FAM53A: variants seen among roughly 807,000 people sequenced by gnomAD.
FAM53A encodes protein FAM53A.
Under a neutral mutation model 26.6 loss-of-function variants are expected in FAM53A, and 28 were observed. The observed-to-expected ratio is 1.05, with a 90% CI of 0.78 to 1.45. The LOEUF (loss-of-function observed/expected upper bound fraction) is 1.45. Among genes scored for constraint, FAM53A ranks in the 40% most tolerant of loss-of-function variants. The pLI is 0.00. For synonymous variants in FAM53A, 290 were observed against 253.1 expected, an observed-to-expected ratio of 1.15 and a Z score of -1.38; for missense variants, 650 against 575.8, an observed-to-expected ratio of 1.13 and a Z score of -1.32.
In FAM53A at chr4:1,641,575, G is replaced by T. The variant is rs151156399; in HGVS notation, c.915C>A (p.Leu305=). ...CATCCTCATCGTCATCTTCGTAATT[G>T]AGGGAGCAAAGGCTTTTTGAATTTT... ...TLKNSKSLCS[L]NYEDDDEDDT... The change falls in exon 5 of 5, where the codon CTC becomes CTA. Residue 305 remains leucine, a synonymous_variant. Transcript: ENST00000308132. The T allele has an allele frequency of 1.3e-5, 21 of 1,614,060 alleles. No individual in the cohort carries two copies. The highest frequency in any genetic ancestry group is 1.8e-5 in the Non-Finnish European group (21 of 1,180,020).
In FAM53A at chr4:1,640,068, G is replaced by A. The variant is rs1711538104; in HGVS notation, c.*1225C>T. On this transcript the variant is annotated 3_prime_UTR_variant, in exon 5 of 5. Transcript: ENST00000308132. ...CAGAAGTCGTATGCACAAAGCAAAGGCCTTGTATTAAATTCACAGAGTGGG... is the reference window on the plus strand; with the variant it reads ...CAGAAGTCGTATGCACAAAGCAAAGACCTTGTATTAAATTCACAGAGTGGG... 6.6e-6 allele frequency: 1 copy of A among 152,560 alleles called. No individual in the cohort carries two copies. The highest frequency in any genetic ancestry group is 2.4e-5 in the African/African-American group (1 of 41,462). The allele number at this position is 152,560 out of a possible 1,614,324, so 9.5% of individuals were successfully genotyped here. A position where few individuals can be genotyped will look rare whatever the true frequency, so the allele number is the denominator to read the frequency against.
At chr4:1,657,272 C>A in intron 3 of FAM53A, 136 bp downstream of exon 3, 1 of 771,856 alleles carries the variant, frequency 1.3e-6, no homozygotes, top group Non-Finnish European at 2.1e-6. Flanking sequence ...CCACCCCACG[C>A]CCCAGTGCAG....
rs1477726253 is a variant in FAM53A, at chr4:1,672,762, T to C, written c.-164-3857A>G. ...CAAACACAGGAACCTGAATTTCCTTTTTTTTTTTTTTTTTTTTTTTTTTTT... is the reference window on the plus strand; with the variant it reads ...CAAACACAGGAACCTGAATTTCCTTCTTTTTTTTTTTTTTTTTTTTTTTTT... On this transcript the variant is annotated intron_variant, in intron 1 of 4. Transcript: ENST00000308132. Among the ~76,000 whole-genome samples, 3 of 806 alleles carry C rather than the reference T, an allele frequency of 3.7e-3. No individual in the cohort carries two copies. In the Admixed American group the frequency reaches 0.05, roughly 13 times the overall value. 0.5% of individuals were successfully genotyped at this position (806 alleles called of 152,430 possible).
intron 2 of FAM53A, among the ~76,000 whole-genome samples, chr4:1,658,583 G>A (rs1713590993): frequency 6.6e-6 from 1 of 152,248 alleles, no homozygotes; most frequent in Non-Finnish European, 1.5e-5. Flanking sequence ...TCCCTCCCTG[G>A]AAGCAGGAAA....
chr4:1,655,356 G>T lies in FAM53A; in HGVS notation c.504C>A (p.Val168=). 2 of 1,439,252 alleles carry T rather than the reference G, an allele frequency of 1.4e-6. No homozygotes were observed. Among genetic ancestry groups the T allele is most frequent in the Non-Finnish European group, 1.8e-6 (2 of 1,098,032 alleles). The allele number at this position is 1,439,252 out of a possible 1,614,324, so 89.2% of individuals were successfully genotyped here. ...SATRQGSPGA[V]LPRSAVWSTG... ...TCGACCACACAGCACTCCTCGGCAG[G>T]ACGGCGCCGGGGCTTCCCTGCCGCG... The change falls in exon 4 of 5, where the codon GTC becomes GTA. Residue 168 remains valine (V), a synonymous_variant. Transcript: ENST00000308132.
chr4:1,653,043 T>C (rs1473069098), intron 4 of FAM53A, among the ~76,000 whole-genome samples: 1 of 143,048 alleles, frequency 7.0e-6, no homozygotes, highest in Non-Finnish European at 1.5e-5. Flanking sequence ...ACACAACACA[T>C]AGACCACACA....
chr4:1,644,552 A>C, intron 4 of FAM53A: 3 of 551,670 alleles, frequency 5.4e-6, no homozygotes, highest in Non-Finnish European at 9.0e-6. Context: ...TGCGCCACCC[A>C]TCCGCCTCGC....
Position 1,668,801 on chromosome 4 carries a change from C to T in FAM53A, c.-60G>A, listed in dbSNP as rs1487440910. On this transcript the variant is annotated 5_prime_UTR_variant, in exon 2 of 5. Coordinates refer to ENST00000308132, the MANE Select transcript of FAM53A (RefSeq NM_001174070.3). ...GGCACTGGAGTCCTGGAACATCAGA[C>T]TTGCGAAGGCCCCAGCATTGCTGGG... 4 of 1,541,076 alleles carry T rather than the reference C, an allele frequency of 2.6e-6. No individual in the cohort carries two copies. The highest frequency in any genetic ancestry group is 1.4e-5 in the African/African-American group (1 of 73,376).
chr4:1,636,587 C>T (rs1455208055), downstream of FAM53A, among the ~76,000 whole-genome samples: 2 of 152,260 alleles, frequency 1.3e-5, no homozygotes, highest in Non-Finnish European at 2.9e-5. Flanking sequence ...GCTCACTCGT[C>T]CCTCAGGGCC....
Position 1,630,553 on chromosome 4 carries a change from C to T in FAM53A, c.432-12442G>A, listed in dbSNP as rs1715570120. On this transcript the variant is annotated intron_variant, in intron 1 of 1. Transcript: ENST00000489029. This position sits in a 1 kb window ranked among gnomAD's most constrained non-coding sequence, Gnocchi z 4.3. ...CTACAAAAATACACGCCCCGGGCCC[C>T]GTTCAGCCAGTCCGTCCCACACCTG... Among the ~76,000 whole-genome samples the T allele has an allele frequency of 3.3e-5, 5 of 152,324 alleles. No individual in the cohort carries two copies. Among genetic ancestry groups the T allele is most frequent in the African/African-American group, 9.6e-5 (4 of 41,588 alleles).
At chr4:1,581,787 G>T in the FAM53A span, among the ~76,000 whole-genome samples, 35 of 152,230 alleles carry the variant, frequency 2.3e-4, no homozygotes, top group African/African-American at 7.9e-4. Flanking sequence ...TAGAGACAGG[G>T]TTTCTCCATG....
At chr4:1,642,257 C>T (rs1043546943) in intron 4 of FAM53A, among the ~76,000 whole-genome samples, 3 of 152,192 alleles carry the variant, frequency 2.0e-5, no homozygotes, top group African/African-American at 4.8e-5. Flanking sequence ...AAAATACGTG[C>T]GACAAACAGG....
rs371543619 is a variant in FAM53A at position 1,633,705 on chromosome 4, G to A, written c.432-15594C>T. ...GCTCCAAGCATCTCATCAACAGAGC[G>A]GGGAAGCAAGGGAGCCCGGGACCGA... On this transcript the variant is annotated intron_variant, in intron 1 of 1. Coordinates refer to the FAM53A transcript ENST00000489029. 7.9e-5 allele frequency among the ~76,000 whole-genome samples: 12 copies of A among 152,250 alleles called. No individual in the cohort carries two copies. In the East Asian group the frequency reaches 1.2e-3, roughly 15 times the overall value.
the FAM53A span, among the ~76,000 whole-genome samples, chr4:1,604,027 G>A: frequency 2.6e-5 from 4 of 152,330 alleles, no homozygotes; most frequent in Non-Finnish European, 2.9e-5. Context: ...AGCCCTGCCC[G>A]GCTGCCCTCA....
At chr4:1,577,592 A>G in the FAM53A span, among the ~76,000 whole-genome samples, 1 of 152,150 alleles carries the variant, frequency 6.6e-6, no homozygotes, top group Non-Finnish European at 1.5e-5. Flanking sequence ...TTTTTTAATT[A>G]CCAGCCCTGG....
At chr4:1,664,264 T>C (rs1305184036) in intron 2 of FAM53A, among the ~76,000 whole-genome samples, 1 of 152,226 alleles carries the variant, frequency 6.6e-6, no homozygotes, top group African/African-American at 2.4e-5. Flanking sequence ...AGAGAAAGTA[T>C]GTCTAGAATG....
At chr4:1,583,918 C>G in the FAM53A span, among the ~76,000 whole-genome samples, 1 of 152,198 alleles carries the variant, frequency 6.6e-6, no homozygotes, top group Non-Finnish European at 1.5e-5. Flanking sequence ...TTTCCATTTG[C>G]GTCTTTCTGA....
chr4:1,609,955 T>C, the FAM53A span, among the ~76,000 whole-genome samples: 5 of 152,044 alleles, frequency 3.3e-5, no homozygotes, highest in Non-Finnish European at 7.4e-5. Flanking sequence ...AGAGACTTTG[T>C]CTCAATAAAT....
At chr4:1,626,233 G>A (rs889319717) in intron 1 of FAM53A, among the ~76,000 whole-genome samples, 2 of 152,182 alleles carry the variant, frequency 1.3e-5, no homozygotes, top group Non-Finnish European at 2.9e-5. Flanking sequence ...GGTCAGGCCG[G>A]ACCTTACCCC....
Sources: allele counts gnomAD v4.1 joint callset (sites outside exome capture counted in the v4.1 genomes callset), GRCh38; gene constraint gnomAD v4.1.1; non-coding constraint Gnocchi (gnomAD v3.1); transcripts MANE v1.5; gene names NCBI Gene and HGNC (gene_info 2026-07-23, HGNC 2026-07-21).